The following PHKB variants were observed in gnomAD, a reference collection of about 807,000 sequenced individuals.
The protein encoded by PHKB is phosphorylase kinase regulatory subunit beta, also known as phosphorylase b kinase regulatory subunit beta.
PHKB carries 122 observed loss-of-function variants against 152.1 expected under a neutral mutation model. The ratio of observed to expected loss-of-function variants is 0.80; its 90% confidence interval spans 0.69 to 0.93. The LOEUF is 0.93. PHKB is among the 40% of genes least tolerant of loss of function. PHKB has a pLI of 0.00. For synonymous variants in PHKB, 436 were observed against 464.9 expected, an observed-to-expected ratio of 0.94 and a Z score of 0.80; for missense variants, 1,304 against 1,328.4, an observed-to-expected ratio of 0.98 and a Z score of 0.29.
intron 26 of PHKB, among the ~76,000 whole-genome samples, chr16:47,678,755 G>A (rs1187602302): frequency 6.6e-6 from 1 of 151,884 alleles, no homozygotes; most frequent in African/African-American, 2.4e-5. Flanking sequence ...CTTTTGCTGT[G>A]CAGAAGCTCT....
chr16:47,463,166 T>C (rs1969605959), intron 1 of PHKB: 1 of 152,628 alleles, frequency 6.6e-6, no homozygotes, highest in African/African-American at 2.4e-5. Flanking sequence ...GCTCATAGAG[T>C]TGATTTTCTT....
Position 47,547,502 on chromosome 16 carries a change from G to A in PHKB, c.664G>A (p.Glu222Lys), listed in dbSNP as rs866677615. 6.2e-7 allele frequency: 1 copy of A among 1,612,568 alleles called. No individual in the cohort carries two copies. Among genetic ancestry groups the A allele is most frequent in the Admixed American group, 1.7e-5 (1 of 60,008 alleles). Reference sequence around the variant, plus strand: ...CCGTGTGCCTGACTTTGGTGTCTGGGAAAGAGGAAGCAAATATAATAATGG... The same window carrying A: ...CCGTGTGCCTGACTTTGGTGTCTGGAAAAGAGGAAGCAAATATAATAATGG... Reference protein sequence around the residue: ...VYRVPDFGVWERGSKYNNGST... With the variant: ...VYRVPDFGVWKRGSKYNNGST... Residue 222 changes from glutamate (E) to lysine (K), a missense_variant, in exon 7 of 31, where the codon GAA (glutamate) becomes AAA (lysine). By Grantham distance (56) the Glu-to-Lys change is moderately conservative. Transcript: ENST00000323584.
chr16:47,644,295 C>G (rs1973077767), intron 16 of PHKB, among the ~76,000 whole-genome samples: 1 of 152,320 alleles, frequency 6.6e-6, no homozygotes, highest in Admixed American at 6.5e-5. Flanking sequence ...AAAACCACTG[C>G]TATTCCAGAA....
At chr16:47,482,809 C>G (rs1187717941) in intron 1 of PHKB, among the ~76,000 whole-genome samples, 2 of 151,954 alleles carry the variant, frequency 1.3e-5, no homozygotes, top group African/African-American at 4.8e-5. Flanking sequence ...CAACCTCTGC[C>G]TCCTGGGCTC....
rs1970250388 is a variant in PHKB at position 47,497,394 on chromosome 16, T to C, written c.77-5T>C. 2 of 1,571,648 alleles carry C rather than the reference T, an allele frequency of 1.3e-6. No individual in the cohort carries two copies. The highest frequency in any genetic ancestry group is 1.7e-6 in the Non-Finnish European group (2 of 1,146,328). ...AATTTGATGGGTTTTTATTTTTTCT[T>C]TTAGGCTCAGTTTATGAACCTCTTA... On this transcript the variant is annotated splice_polypyrimidine_tract_variant and splice_region_variant and intron_variant, in intron 1 of 30. Transcript: ENST00000323584.
chr16:47,619,427 A>G (rs1260011559), intron 14 of PHKB: 1 of 152,166 alleles, frequency 6.6e-6, no homozygotes, highest in Non-Finnish European at 1.5e-5. Context: ...CATCAGTACA[A>G]AATGTATGCT....
intron 10 of PHKB, among the ~76,000 whole-genome samples, chr16:47,591,592 G>C (rs1188825161): frequency 6.6e-6 from 1 of 151,858 alleles, no homozygotes; most frequent in African/African-American, 2.4e-5. Flanking sequence ...CTTAAACCTT[G>C]CTCTTCTCCT....
At chr16:47,539,741 A>G (rs941426428) in intron 6 of PHKB, among the ~76,000 whole-genome samples, 1 of 152,190 alleles carries the variant, frequency 6.6e-6, no homozygotes. Flanking sequence ...TTTCATGGGC[A>G]TTTATCACTT....
At position 47,696,470 on chromosome 16, in the gene PHKB, C is replaced by T. The variant is rs142163694; in HGVS notation, c.2985C>T (p.Tyr995=). 46 of 1,587,834 alleles carry T rather than the reference C, an allele frequency of 2.9e-5. No individual in the cohort carries two copies. The African/African-American group carries it at 5.2e-4, about 18-fold the overall frequency. The change falls in exon 29 of 31, where the codon TAC becomes TAT. Residue 995 remains tyrosine (Y), a synonymous_variant. Transcript: ENST00000323584. ...DTLGNIDQPQ[Y]RQIVVELLMV... ...TGGGAAATATTGACCAGCCACAGTA[C>T]AGACAGATCGTTGTAGAGGTGAGTA... is the stretch of plus-strand genomic sequence containing the variant.
chr16:47,488,403 A>T (rs1159362352), intron 1 of PHKB, among the ~76,000 whole-genome samples: 1 of 152,056 alleles, frequency 6.6e-6, no homozygotes, highest in Non-Finnish European at 1.5e-5. Context: ...TGTTTGCTCT[A>T]TCGGTAGTTT....
chr16:47,661,692 G>T, intron 22 of PHKB, 27 bp from the exon 23 acceptor site: 1 of 1,518,516 alleles, frequency 6.6e-7, no homozygotes. Flanking sequence ...TTTCATTCCA[G>T]TTCCTCACCG....
At chr16:47,597,594 G>A (rs929519876) in intron 13 of PHKB, among the ~76,000 whole-genome samples, 2 of 151,004 alleles carry the variant, frequency 1.3e-5, no homozygotes, top group African/African-American at 4.9e-5. Flanking sequence ...TTGACAAGGT[G>A]TTGATATTAT....
At chr16:47,614,579 A>T (rs1189889734) in intron 14 of PHKB, among the ~76,000 whole-genome samples, 1 of 152,240 alleles carries the variant, frequency 6.6e-6, no homozygotes, top group Non-Finnish European at 1.5e-5. Flanking sequence ...ATACATACAT[A>T]AGTTATCAAA....
chr16:47,611,078 A>G (rs984391085), intron 14 of PHKB, among the ~76,000 whole-genome samples, 158 bp downstream of exon 14: 1 of 152,190 alleles, frequency 6.6e-6, no homozygotes, highest in Non-Finnish European at 1.5e-5. Flanking sequence ...GTGAAGGGCT[A>G]TTTGTTAATG....
intron 1 of PHKB, among the ~76,000 whole-genome samples, chr16:47,492,963 G>A (rs190815222): frequency 3.3e-5 from 5 of 152,230 alleles, no homozygotes; most frequent in Non-Finnish European, 7.4e-5. Context: ...AAAATTTATC[G>A]GGCAAAAAGG....
chr16:47,681,103 G>A (rs576572337), intron 26 of PHKB, among the ~76,000 whole-genome samples: 1 of 152,272 alleles, frequency 6.6e-6, no homozygotes, highest in East Asian at 1.9e-4. Flanking sequence ...TTAATCCTGA[G>A]TTCTAATTTG....
chr16:47,652,911 A>G (rs1381562256), intron 20 of PHKB, among the ~76,000 whole-genome samples: 6 of 151,968 alleles, frequency 3.9e-5, no homozygotes, highest in African/African-American at 1.2e-4. Context: ...CCGAAGTGCT[A>G]GGATTACAGG....
At chr16:47,596,613 G>T in intron 13 of PHKB, 82 bp downstream of exon 13, 4 of 1,368,518 alleles carry the variant, frequency 2.9e-6, no homozygotes, top group Non-Finnish European at 4.2e-6. Flanking sequence ...TGGTGTTTAT[G>T]TTGGATTTGG....
chr16:47,689,083 C>T lies in PHKB; in HGVS notation c.2673C>T (p.Gly891=), dbSNP rs201038140. The change falls in exon 27 of 31, where the codon GGC becomes GGT. Residue 891 remains glycine, a synonymous_variant. Transcript: ENST00000323584. The part of the protein sequence containing the change: ...HAMEYELQIR[G]GDKPALDLYQ... ...TGGAGTATGAACTTCAGATCCGTGGCGGAGACAAGCCAGCCTTGGACTTGT... is the reference window on the plus strand; with the variant it reads ...TGGAGTATGAACTTCAGATCCGTGGTGGAGACAAGCCAGCCTTGGACTTGT... The T allele has an allele frequency of 2.4e-5, 39 of 1,613,936 alleles. No homozygotes were observed. Among genetic ancestry groups the T allele is most frequent in the African/African-American group, 2.0e-4 (15 of 74,974 alleles).
Sources: allele counts gnomAD v4.1 joint callset (sites outside exome capture counted in the v4.1 genomes callset), GRCh38; gene constraint gnomAD v4.1.1; transcripts MANE v1.5; gene names NCBI Gene and HGNC (gene_info 2026-07-23, HGNC 2026-07-21).